Variants in RPS6KC1 observed in about 807,000 individuals in gnomAD.
The protein encoded by RPS6KC1 is inactive ribosomal protein S6 kinase delta-1.
RPS6KC1 carries 54 observed loss-of-function variants against 103.8 expected under a neutral mutation model. The observed-to-expected ratio is 0.52, with a 90% CI of 0.42 to 0.65. RPS6KC1 has a LOEUF of 0.65. RPS6KC1 is among the 30% of genes least tolerant of loss of function. The pLI is 0.00. For missense variants in RPS6KC1, 1,151 were observed against 1,253.8 expected (o/e 0.92, Z 1.24); for synonymous variants, 439 against 438.7 (o/e 1.00, Z -0.01).
chr1:213,580,256 TC>T, the RPS6KC1 span, among the ~76,000 whole-genome samples: 1 of 152,014 alleles, frequency 6.6e-6, no homozygotes, highest in Non-Finnish European at 1.5e-5. Context: ...AGTCAAGACT[TC>T]AGTGGAGGAA....
At chr1:213,222,094 G>A (rs1025605662) in intron 8 of RPS6KC1, among the ~76,000 whole-genome samples, 5 of 150,880 alleles carry the variant, frequency 3.3e-5, no homozygotes, top group African/African-American at 1.2e-4. Flanking sequence ...GACTTCTGAT[G>A]AGCTAAAGCT....
At chr1:213,421,904 C>T in the RPS6KC1 span, among the ~76,000 whole-genome samples, 1 of 152,234 alleles carries the variant, frequency 6.6e-6, no homozygotes, top group Non-Finnish European at 1.5e-5. Flanking sequence ...ATAGTGCCAA[C>T]CTCATGGGAT....
At chr1:213,589,503 G>C in the RPS6KC1 span, among the ~76,000 whole-genome samples, 2 of 152,188 alleles carry the variant, frequency 1.3e-5, no homozygotes, top group East Asian at 1.9e-4. Flanking sequence ...TTAGCCAGGC[G>C]TGGTGGTGGG....
the RPS6KC1 span, among the ~76,000 whole-genome samples, chr1:213,698,230 A>G: frequency 6.6e-5 from 10 of 152,318 alleles, no homozygotes; most frequent in South Asian, 1.7e-3. Flanking sequence ...TGGTAAACGT[A>G]TTTAATGCTC....
At chr1:213,636,444 C>T in the RPS6KC1 span, among the ~76,000 whole-genome samples, 32 of 152,084 alleles carry the variant, frequency 2.1e-4, no homozygotes, top group Non-Finnish European at 3.8e-4. Flanking sequence ...CAGAACAGAG[C>T]CCTCAGAAAT....
At chr1:213,632,252 A>C in the RPS6KC1 span, among the ~76,000 whole-genome samples, 7 of 152,122 alleles carry the variant, frequency 4.6e-5, no homozygotes, top group African/African-American at 1.4e-4. Flanking sequence ...ATACGTTTTC[A>C]TTTCCCTAGA....
chr1:213,526,897 A>G, the RPS6KC1 span, among the ~76,000 whole-genome samples: 1 of 152,226 alleles, frequency 6.6e-6, no homozygotes, highest in Non-Finnish European at 1.5e-5. Flanking sequence ...CAGATTTTAA[A>G]ATATTTCTTT....
intron 6 of RPS6KC1, among the ~76,000 whole-genome samples, chr1:213,141,320 C>T (rs1410322869): frequency 6.6e-6 from 1 of 152,040 alleles, no homozygotes; most frequent in Non-Finnish European, 1.5e-5. Context: ...TGTTCAGATA[C>T]TCAGTTTCTT....
the RPS6KC1 span, among the ~76,000 whole-genome samples, chr1:213,826,730 G>A: frequency 6.6e-6 from 1 of 152,286 alleles, no homozygotes; most frequent in East Asian, 1.9e-4. Context: ...TCTAAGGACT[G>A]TACATTTATT....
In RPS6KC1 at chr1:213,153,631, A is replaced by G. The variant is rs777090445; in HGVS notation, c.836-14227A>G. Among the ~76,000 whole-genome samples, 35 of 152,118 alleles carry G rather than the reference A, an allele frequency of 2.3e-4. 1 individual carries two copies. The highest frequency in any genetic ancestry group is 5.9e-4 in the Admixed American group (9 of 15,272). On this transcript the variant is annotated intron_variant, in intron 6 of 14. Transcript: ENST00000366960. The stretch of plus-strand genomic sequence containing the variant: ...TTACACACCACATTACAGTGTTATA[A>G]TATTTGGTGTTTTTCTGTGTACTTA...
the RPS6KC1 span, among the ~76,000 whole-genome samples, chr1:213,419,333 G>A: frequency 6.6e-6 from 1 of 152,224 alleles, no homozygotes; most frequent in Non-Finnish European, 1.5e-5. Context: ...TAAGCAATTT[G>A]TTGGGCTTCA....
chr1:213,060,504 T>C (rs1015005866), intron 1 of RPS6KC1, among the ~76,000 whole-genome samples: 31 of 152,250 alleles, frequency 2.0e-4, no homozygotes, highest in Non-Finnish European at 3.8e-4. Flanking sequence ...TTTATTCTAC[T>C]GTTCCTTTGT....
chr1:213,470,690 G>A, the RPS6KC1 span, among the ~76,000 whole-genome samples: 3 of 139,346 alleles, frequency 2.2e-5, no homozygotes, highest in South Asian at 7.0e-4. Context: ...CACAATCGTA[G>A]AATGCTGCAT....
chr1:213,250,493 G>C (rs542620800), intron 12 of RPS6KC1, among the ~76,000 whole-genome samples: 217 of 152,250 alleles, frequency 1.4e-3, no homozygotes, highest in Middle Eastern at 0.01. Flanking sequence ...AAGAAAAAAG[G>C]AGCAAAATGC....
At chr1:213,184,556 T>G (rs1019646331) in intron 8 of RPS6KC1, among the ~76,000 whole-genome samples, 1 of 152,104 alleles carries the variant, frequency 6.6e-6, no homozygotes, top group African/African-American at 2.4e-5. Flanking sequence ...TGGTTTGTTC[T>G]TACTTTCTAG....
chr1:213,520,179 T>C, the RPS6KC1 span, among the ~76,000 whole-genome samples: 1 of 152,162 alleles, frequency 6.6e-6, no homozygotes, highest in Non-Finnish European at 1.5e-5. Flanking sequence ...AAGACATGTC[T>C]GAGACTGGGT....
At chr1:213,794,530 T>G in the RPS6KC1 span, 1 of 152,068 alleles carries the variant, frequency 6.6e-6, no homozygotes, top group African/African-American at 2.4e-5. Context: ...AGGGAAAAAA[T>G]AAATTTTCCT....
chr1:213,123,028 G>GAATTTTAA (rs1558365540), intron 5 of RPS6KC1, among the ~76,000 whole-genome samples: 6 of 152,154 alleles, frequency 3.9e-5, no homozygotes. Flanking sequence ...TTCATGGTAT[G>GAATTTTAA]CCATGGGAAT....
At chr1:213,783,815 C>CA in the RPS6KC1 span, among the ~76,000 whole-genome samples, 7,660 of 65,802 alleles carry the variant, frequency 0.12, 763 homozygotes, top group Non-Finnish European at 0.2. Flanking sequence ...AAGATGTTGC[C>CA]AAAAAAAAAA....
Sources: gnomAD v4.1 joint callset for allele counts (sites outside exome capture counted in the v4.1 genomes callset) on GRCh38, gnomAD v4.1.1 for gene constraint, MANE v1.5 for transcripts, NCBI Gene and HGNC (gene_info 2026-07-23, HGNC 2026-07-21) for gene names.